Variants in SLCO5A1 observed in about 807,000 individuals in gnomAD.
The protein encoded by SLCO5A1 is solute carrier organic anion transporter family member 5A1.
Under a neutral mutation model 65.1 loss-of-function variants are expected in SLCO5A1, and 39 were observed. The ratio of observed to expected loss-of-function variants is 0.60; its 90% CI spans 0.46 to 0.78. The LOEUF is 0.78. SLCO5A1 is among the 30% of genes least tolerant of loss of function. The pLI is 0.00. For synonymous variants in SLCO5A1, 438 were observed against 415.7 expected (o/e 1.05, Z -0.65); for missense variants, 1,029 against 1,069.4 (o/e 0.96, Z 0.53).
chr8:69,802,533 A>T (rs1586817327), intron 2 of SLCO5A1, among the ~76,000 whole-genome samples: 1 of 151,982 alleles, frequency 6.6e-6, no homozygotes, highest in East Asian at 1.9e-4. Context: ...AAAAAAAAAA[A>T]AAAAGTTTTA....
rs538449159 is a variant in SLCO5A1 at position 69,825,043 on chromosome 8, T to A, written c.907+6724A>T. 1.3e-4 allele frequency among the ~76,000 whole-genome samples: 20 copies of A among 152,256 alleles called. 1 individual carries two copies. In the South Asian group the frequency reaches 3.5e-3, roughly 27 times the overall value. On this transcript the variant is annotated intron_variant, in intron 2 of 9. Transcript: ENST00000260126. ...GACAAAAACCACATGATTATCTCAA[T>A]AGATGCAGAAAAGGCCTTTGACAAA...
rs1813404694 is a variant in SLCO5A1 at position 69,673,186 on chromosome 8, C to T, written c.2230G>A (p.Gly744Ser). 1.2e-6 allele frequency: 2 copies of T among 1,614,076 alleles called. No individual in the cohort carries two copies. The highest frequency in any genetic ancestry group is 1.3e-5 in the African/African-American group (1 of 74,922). The change falls in exon 10 of 10, where the codon GGC becomes AGC. Residue 744 changes from glycine to serine, a missense_variant. Physicochemically the swap from Gly to Ser is moderately conservative, Grantham distance 56 (BLOSUM62 0). Coordinates refer to ENST00000260126, the MANE Select transcript of SLCO5A1 (RefSeq NM_030958.3). ...AAAATAAACCCAACGAATTTGAGGC[C>T]GGCAGCCAAACCAAAATACACAAAA... Reference protein sequence around the residue: ...FRFVYFGLAAGLKFVGFIFIF... With the variant: ...FRFVYFGLAASLKFVGFIFIF...
chr8:69,689,742 G>C (rs1181041239), intron 6 of SLCO5A1, among the ~76,000 whole-genome samples: 6 of 138,360 alleles, frequency 4.3e-5, no homozygotes, highest in East Asian at 3.9e-4. Flanking sequence ...GTTACTGTAG[G>C]CTTGTAGTAT....
rs575361085 is a variant in SLCO5A1, at chr8:69,694,202, G to A, written c.1622+10829C>T. Among the ~76,000 whole-genome samples, 3 of 152,296 alleles carry A rather than the reference G, an allele frequency of 2.0e-5. No individual in the cohort carries two copies. The South Asian group carries it at 6.2e-4, about 32-fold the overall frequency. On this transcript the variant is annotated intron_variant, in intron 6 of 9. Transcript: ENST00000260126. ...AGCACCTCAGTGAGGTGCTCAGAAAGAATGCAAACTCTGACATAAATCATC... is the reference window on the plus strand; with the variant it reads ...AGCACCTCAGTGAGGTGCTCAGAAAAAATGCAAACTCTGACATAAATCATC...
At chr8:69,724,468 A>C (rs777527878) in intron 5 of SLCO5A1, among the ~76,000 whole-genome samples, 1 of 152,192 alleles carries the variant, frequency 6.6e-6, no homozygotes, top group Non-Finnish European at 1.5e-5. Context: ...GATGACTTGA[A>C]AAAATTAACT....
chr8:69,764,856 G>A (rs1362761483), intron 2 of SLCO5A1, among the ~76,000 whole-genome samples: 1 of 152,138 alleles, frequency 6.6e-6, no homozygotes, highest in African/African-American at 2.4e-5. Flanking sequence ...CACAGACAGG[G>A]AAAAGGGTAT....
chr8:69,782,654 G>A (rs2130883996), intron 2 of SLCO5A1, among the ~76,000 whole-genome samples: 1 of 150,346 alleles, frequency 6.7e-6, no homozygotes, highest in African/African-American at 2.4e-5. Flanking sequence ...TATAAATACA[G>A]TTTTACTTAC....
At chr8:69,739,777 A>G (rs1340478068) in intron 4 of SLCO5A1, among the ~76,000 whole-genome samples, 1 of 152,172 alleles carries the variant, frequency 6.6e-6, no homozygotes, top group African/African-American at 2.4e-5. Context: ...AGAGAAAAAC[A>G]TAAAGTGCTT....
At chr8:69,680,783 C>T (rs763812461) in intron 7 of SLCO5A1, among the ~76,000 whole-genome samples, 8 of 152,132 alleles carry the variant, frequency 5.3e-5, no homozygotes, top group Non-Finnish European at 1.0e-4. Context: ...CTTTAGTTAG[C>T]TGGTGCCCTA....
At chr8:69,710,379 T>G (rs934123235) in intron 5 of SLCO5A1, among the ~76,000 whole-genome samples, 1 of 151,996 alleles carries the variant, frequency 6.6e-6, no homozygotes, top group Non-Finnish European at 1.5e-5. Context: ...TGCTCTATAG[T>G]GCACAGCACA....
At chr8:69,757,065 T>C (rs1817568522) in intron 3 of SLCO5A1, among the ~76,000 whole-genome samples, 1 of 152,250 alleles carries the variant, frequency 6.6e-6, no homozygotes, top group Non-Finnish European at 1.5e-5. Context: ...AAATTCATTT[T>C]TTAAAATAAT....
chr8:69,795,837 C>A (rs949597108), intron 2 of SLCO5A1, among the ~76,000 whole-genome samples: 1 of 152,220 alleles, frequency 6.6e-6, no homozygotes, highest in Non-Finnish European at 1.5e-5. Context: ...TCAGGCTTTA[C>A]CAAACATCCT....
At position 69,724,383 on chromosome 8, in the gene SLCO5A1, C is replaced by A. The variant is rs193041589; in HGVS notation, c.1423+13657G>T. 5.6e-4 allele frequency among the ~76,000 whole-genome samples: 86 copies of A among 152,234 alleles called. No individual in the cohort carries two copies. In the East Asian group the frequency reaches 0.011, roughly 20 times the overall value. On this transcript the variant is annotated intron_variant, in intron 5 of 9. Coordinates refer to ENST00000260126, the MANE Select transcript of SLCO5A1 (RefSeq NM_030958.3). ...AGTGTGCACCTACATTTCTAAATAA[C>A]CACTTTAATCAAAAATCAAACATAA... is the stretch of plus-strand genomic sequence containing the variant.
intron 6 of SLCO5A1, chr8:69,704,816 C>A: frequency 1.8e-6 from 1 of 542,568 alleles, no homozygotes; most frequent in South Asian, 2.6e-5. Context: ...CTATGAAAGT[C>A]CCTCTGTGGG....
intron 6 of SLCO5A1, among the ~76,000 whole-genome samples, chr8:69,683,059 C>A (rs191171191): frequency 6.6e-6 from 1 of 151,916 alleles, no homozygotes; most frequent in East Asian, 1.9e-4. Flanking sequence ...AGAAATGATA[C>A]CATATGAAAG....
intron 2 of SLCO5A1, among the ~76,000 whole-genome samples, chr8:69,781,694 G>C (rs1299655862): frequency 6.6e-6 from 1 of 151,540 alleles, no homozygotes; most frequent in Admixed American, 6.6e-5. Flanking sequence ...TTTCACTCTT[G>C]TTGCCCAGGC....
rs780714435 is a variant in SLCO5A1, at chr8:69,673,007, T to C, written c.2409A>G (p.Glu803=). 2 of 1,614,200 alleles carry C rather than the reference T, an allele frequency of 1.2e-6. No individual in the cohort carries two copies. Among genetic ancestry groups the C allele is most frequent in the Non-Finnish European group, 8.5e-7 (1 of 1,180,036 alleles). The change falls in exon 10 of 10, where the codon GAA becomes GAG. Residue 803 remains glutamate (E), a synonymous_variant. Coordinates refer to ENST00000260126, the MANE Select transcript of SLCO5A1 (RefSeq NM_030958.3). The part of the protein sequence containing the change: ...RSCPAFSTQG[E]FHEETGLQKG... Reference sequence around the variant, plus strand: ...TTTGCAGGCCAGTCTCTTCGTGGAATTCTCCCTGGGTGCTGAAAGCTGGGC... The same window carrying C: ...TTTGCAGGCCAGTCTCTTCGTGGAACTCTCCCTGGGTGCTGAAAGCTGGGC...
chr8:69,703,592 A>C (rs1814843419), intron 6 of SLCO5A1, among the ~76,000 whole-genome samples: 1 of 152,132 alleles, frequency 6.6e-6, no homozygotes, highest in Non-Finnish European at 1.5e-5. Context: ...GTTAAATACA[A>C]AGTGGAATAC....
In SLCO5A1 at chr8:69,682,229, GT is replaced by G. The variant is rs1173919597; in HGVS notation, c.1736del (p.Asn579ThrfsTer31). ...TATTAACACAGCCAGCCAGACAAGG[GT>G]TAAAGTATGTAATTCCATCTGATCC... ...VCGSDGITYF[N>X]PCLAGCVNSG... On this transcript the variant is annotated frameshift_variant, in exon 7 of 10. Coordinates refer to ENST00000260126, the MANE Select transcript of SLCO5A1 (RefSeq NM_030958.3). LOFTEE classifies it high-confidence loss of function. 6.2e-7 allele frequency: 1 copy of G among 1,613,090 alleles called. No individual in the cohort carries two copies. The highest frequency in any genetic ancestry group is 1.1e-5 in the South Asian group (1 of 90,854).
Sources: gnomAD v4.1 joint callset for allele counts (sites outside exome capture counted in the v4.1 genomes callset) on GRCh38, gnomAD v4.1.1 for gene constraint, MANE v1.5 for transcripts, NCBI Gene and HGNC (gene_info 2026-07-23, HGNC 2026-07-21) for gene names.